Variants in PIWIL2 observed in about 807,000 individuals in gnomAD.
PIWIL2 encodes the protein piwi-like protein 2.
Under a neutral mutation model 116.5 loss-of-function variants are expected in PIWIL2, and 81 were observed. The ratio of observed to expected loss-of-function variants is 0.70; its 90% confidence interval spans 0.58 to 0.84. PIWIL2 has a LOEUF of 0.84. PIWIL2 is among the 40% of genes least tolerant of loss of function. The pLI is 0.00. For missense variants in PIWIL2, 1,272 were observed against 1,212.3 expected, an observed-to-expected ratio of 1.05 and a Z score of -0.73; for synonymous variants, 489 against 429.5, an observed-to-expected ratio of 1.14 and a Z score of -1.71.
intron 1 of PIWIL2, among the ~76,000 whole-genome samples, chr8:22,277,004 G>T (rs1319871368): frequency 6.6e-6 from 1 of 151,374 alleles, no homozygotes; most frequent in Non-Finnish European, 1.5e-5. Context: ...CTTGAAATCT[G>T]TAGGTTATAA....
At chr8:22,295,513 A>G (rs772921674) in intron 10 of PIWIL2, among the ~76,000 whole-genome samples, 1 of 151,756 alleles carries the variant, frequency 6.6e-6, no homozygotes, top group Non-Finnish European at 1.5e-5. Context: ...AGCTTTGAGA[A>G]CCTCTTCTCC....
At chr8:22,312,769 T>C (rs1201555785) in intron 16 of PIWIL2, among the ~76,000 whole-genome samples, 1 of 151,964 alleles carries the variant, frequency 6.6e-6, no homozygotes, top group Admixed American at 6.6e-5. Flanking sequence ...GCCTTCTGAG[T>C]AGCTGTAACT....
chr8:22,321,043 G>A lies in PIWIL2; in HGVS notation c.2403+2768G>A, dbSNP rs79081490. On this transcript the variant is annotated intron_variant, in intron 20 of 22. Coordinates refer to ENST00000356766, the MANE Select transcript of PIWIL2 (RefSeq NM_018068.5). Reference sequence around the variant, plus strand: ...TCTATTCTAAGTCAATTAACAGTTTGTTTTGGTCTCTGTTTCTTTATCTGA... The same window carrying A: ...TCTATTCTAAGTCAATTAACAGTTTATTTTGGTCTCTGTTTCTTTATCTGA... Among the ~76,000 whole-genome samples the A allele has an allele frequency of 9.9e-3, 1,500 of 152,212 alleles. 23 individuals are homozygous for A. The highest frequency in any genetic ancestry group is 0.034 in the African/African-American group (1,431 of 41,526).
intron 20 of PIWIL2, among the ~76,000 whole-genome samples, chr8:22,339,979 T>A: frequency 6.6e-6 from 1 of 151,824 alleles, no homozygotes; most frequent in East Asian, 1.9e-4. Flanking sequence ...CCGATGTTTG[T>A]CATGCACATA....
intron 20 of PIWIL2, among the ~76,000 whole-genome samples, chr8:22,326,319 G>GAGACC (rs1312667682): frequency 1.2e-4 from 18 of 152,188 alleles, no homozygotes; most frequent in African/African-American, 4.1e-4. Context: ...TCAGGAATAT[G>GAGACC]AGACCAGCCT....
At chr8:22,320,526 C>T (rs1232191433) in intron 20 of PIWIL2, among the ~76,000 whole-genome samples, 1 of 152,028 alleles carries the variant, frequency 6.6e-6, no homozygotes, top group East Asian at 1.9e-4. Context: ...ATCCGCCCGC[C>T]TCAGCCTCTC....
At chr8:22,291,853 T>TAATAAATG (rs1830775391) in intron 10 of PIWIL2, among the ~76,000 whole-genome samples, 1 of 151,822 alleles carries the variant, frequency 6.6e-6, no homozygotes, top group South Asian at 2.1e-4. Context: ...GAACAGTAAA[T>TAATAAATG]AATAAATGTA....
intron 20 of PIWIL2, among the ~76,000 whole-genome samples, chr8:22,334,872 T>C (rs1831944007): frequency 6.6e-6 from 1 of 151,998 alleles, no homozygotes; most frequent in Admixed American, 6.6e-5. Flanking sequence ...CTGGCCAACA[T>C]AGTGAAACCT....
chr8:22,347,726 T>C (rs1373324052), intron 20 of PIWIL2, among the ~76,000 whole-genome samples: 46 of 150,658 alleles, frequency 3.1e-4, no homozygotes, highest in African/African-American at 1.1e-3. Context: ...GGGGTTTCAC[T>C]GTGTTGGCCA....
At chr8:22,294,644 CAAAAAA>C (rs897494985) in intron 10 of PIWIL2, among the ~76,000 whole-genome samples, 5 of 29,902 alleles carry the variant, frequency 1.7e-4, no homozygotes, top group African/African-American at 4.6e-4. Context: ...GACTCTGTCT[CAAAAAA>C]AAAAAAAAAA....
chr8:22,288,691 T>C (rs541346707), intron 8 of PIWIL2, 25 bp downstream of exon 8: 9 of 1,590,082 alleles, frequency 5.7e-6, no homozygotes, highest in South Asian at 3.4e-5. Flanking sequence ...GAAGTTCTAT[T>C]GTCCTGTAAC....
chr8:22,303,419 C>A (rs187466179), intron 10 of PIWIL2, among the ~76,000 whole-genome samples: 3 of 152,230 alleles, frequency 2.0e-5, no homozygotes, highest in African/African-American at 7.2e-5. Context: ...AGGGACAGGG[C>A]CTTACTTTGT....
intron 20 of PIWIL2, among the ~76,000 whole-genome samples, chr8:22,325,877 G>A (rs117613552): frequency 6.6e-6 from 1 of 152,154 alleles, no homozygotes. Context: ...GCTCATGTCA[G>A]GCACTGTCAC....
chr8:22,344,363 G>C (rs770077767), intron 20 of PIWIL2, among the ~76,000 whole-genome samples: 61 of 152,316 alleles, frequency 4.0e-4, no homozygotes, highest in Non-Finnish European at 6.8e-4. Context: ...TTGGTCATCA[G>C]TTGTAACAAG....
chr8:22,281,782 T>C (rs1044332587), intron 4 of PIWIL2, among the ~76,000 whole-genome samples: 1 of 150,396 alleles, frequency 6.6e-6, no homozygotes, highest in African/African-American at 2.5e-5. Context: ...TTTTTTTTTT[T>C]TTTTTTTGAG....
At chr8:22,334,226 T>A (rs1353859725) in intron 20 of PIWIL2, among the ~76,000 whole-genome samples, 4 of 151,898 alleles carry the variant, frequency 2.6e-5, no homozygotes, top group Admixed American at 2.6e-4. Context: ...CCACCTTCCT[T>A]GGCCTCCCAA....
chr8:22,310,729 C>T (rs1484931496), intron 15 of PIWIL2, among the ~76,000 whole-genome samples: 1 of 152,160 alleles, frequency 6.6e-6, no homozygotes, highest in Non-Finnish European at 1.5e-5. Context: ...CTATCCCTTA[C>T]CCCTCACACA....
At position 22,316,305 on chromosome 8, in the gene PIWIL2, G is replaced by A. The variant is rs372146015; in HGVS notation, c.2269G>A (p.Val757Met). The part of the protein sequence containing the change: ...YHDPSRGMRS[V>M]VGFVASINLT... ...TGACCCCAGTAGAGGCATGCGCTCCGTGGTTGGCTTCGTGGCAAGCATCAA... is the reference window on the plus strand; with the variant it reads ...TGACCCCAGTAGAGGCATGCGCTCCATGGTTGGCTTCGTGGCAAGCATCAA... The change falls in exon 19 of 23, where the codon GTG (valine) becomes ATG (methionine). Residue 757 changes from valine to methionine, a missense_variant. Transcript: ENST00000356766. 42 of 1,612,508 alleles carry A rather than the reference G, an allele frequency of 2.6e-5. No individual in the cohort carries two copies. The highest frequency in any genetic ancestry group is 1.6e-4 in the Middle Eastern group (1 of 6,062).
chr8:22,334,619 A>G (rs1173155404), intron 20 of PIWIL2, among the ~76,000 whole-genome samples: 4 of 152,070 alleles, frequency 2.6e-5, no homozygotes, highest in African/African-American at 7.2e-5. Context: ...GGGTTTCTCC[A>G]TGTTGGTCAG....
Sources: allele counts gnomAD v4.1 joint callset (sites outside exome capture counted in the v4.1 genomes callset), GRCh38; gene constraint gnomAD v4.1.1; transcripts MANE v1.5; gene names NCBI Gene and HGNC (gene_info 2026-07-23, HGNC 2026-07-21).